Variants in CLDN10 observed in about 807,000 individuals in gnomAD.
The protein encoded by CLDN10 is claudin 10, also known as claudin-10.
In CLDN10, 15 loss-of-function variants were observed where a neutral mutation model predicts 22.9. That is an observed-to-expected ratio of 0.65 (90% CI 0.44 to 1.01). The LOEUF (loss-of-function observed/expected upper bound fraction) is 1.01, where lower values mean the gene tolerates loss of function less well. Among genes scored for constraint, CLDN10 ranks in the 50% least tolerant of loss-of-function variants. The pLI is 0.00. For missense variants in CLDN10, 247 were observed against 287.8 expected (o/e 0.86, Z 1.03); for synonymous variants, 114 against 111.4 (o/e 1.02, Z -0.15).
intron 1 of CLDN10, among the ~76,000 whole-genome samples, chr13:95,447,755 G>A (rs1351938401): frequency 6.6e-6 from 1 of 151,968 alleles, no homozygotes; most frequent in African/African-American, 2.4e-5. Flanking sequence ...GTGTGTGTGT[G>A]TGTGTGTGTG....
chr13:95,569,869 C>T (rs1004353867), intron 3 of CLDN10, among the ~76,000 whole-genome samples: 19 of 151,888 alleles, frequency 1.3e-4, no homozygotes, highest in Non-Finnish European at 1.9e-4. Context: ...CCTGGGTTCA[C>T]GCCATTCTCC....
rs940026631 is a variant in CLDN10, at chr13:95,466,800, T to A, written c.214+32753T>A. On this transcript the variant is annotated intron_variant, in intron 1 of 4. Transcript: ENST00000376873. ...AAAAGTAGAGAAAATAGTATAATAA[T>A]CCCCCATATTCTGATCTTGTATTCT... Among the ~76,000 whole-genome samples, 3 of 151,264 alleles carry A rather than the reference T, an allele frequency of 2.0e-5. No individual in the cohort carries two copies. In the Admixed American group the frequency reaches 2.0e-4, roughly 10 times the overall value.
At chr13:95,500,997 A>AT (rs1332431462) in intron 1 of CLDN10, among the ~76,000 whole-genome samples, 2 of 151,850 alleles carry the variant, frequency 1.3e-5, no homozygotes, top group Non-Finnish European at 2.9e-5. Flanking sequence ...TTTTAAAAAA[A>AT]TTTTTTTTAA....
chr13:95,440,320 A>T (rs534700672), intron 1 of CLDN10, among the ~76,000 whole-genome samples: 1 of 152,368 alleles, frequency 6.6e-6, no homozygotes, highest in South Asian at 2.1e-4. Flanking sequence ...AATAAACTTA[A>T]GGTTAAATTT....
At chr13:95,555,254 G>A (rs190118465) in intron 1 of CLDN10, among the ~76,000 whole-genome samples, 1 of 152,232 alleles carries the variant, frequency 6.6e-6, no homozygotes, top group East Asian at 1.9e-4. Context: ...GTTTCACCAT[G>A]TTAGGCTGAT....
At chr13:95,550,769 G>T (rs1016764965), upstream of CLDN10, among the ~76,000 whole-genome samples, 1 of 150,026 alleles carries the variant, frequency 6.7e-6, no homozygotes, top group African/African-American at 2.5e-5. Context: ...TTGCTCAAAG[G>T]TGACTGATTT....
At chr13:95,510,941 G>C (rs932219221) in intron 1 of CLDN10, among the ~76,000 whole-genome samples, 2 of 151,940 alleles carry the variant, frequency 1.3e-5, no homozygotes, top group African/African-American at 2.4e-5. Flanking sequence ...ATAAAACAAA[G>C]GTACTAAGAA....
intron 3 of CLDN10, among the ~76,000 whole-genome samples, chr13:95,575,339 T>A (rs2043909850): frequency 6.6e-6 from 1 of 152,258 alleles, no homozygotes; most frequent in Non-Finnish European, 1.5e-5. Context: ...ACAGATCTGA[T>A]GCCATCTTCT....
At chr13:95,517,984 C>T (rs4375536) in intron 1 of CLDN10, among the ~76,000 whole-genome samples, 129,181 of 149,316 alleles carry the variant, frequency 0.87, 56,019 homozygotes, top group East Asian at 0.96. Flanking sequence ...TGATAATCAA[C>T]GAACAGTCCA....
intron 1 of CLDN10, among the ~76,000 whole-genome samples, chr13:95,535,737 C>T (rs996855967): frequency 2.0e-5 from 3 of 151,948 alleles, no homozygotes; most frequent in African/African-American, 7.3e-5. Context: ...CAGGGAAAGA[C>T]TGTGATGTGA....
chr13:95,542,387 T>C (rs771854628), intron 1 of CLDN10, among the ~76,000 whole-genome samples: 79 of 152,332 alleles, frequency 5.2e-4, no homozygotes, highest in Non-Finnish European at 8.7e-4. Context: ...AATTATTTGA[T>C]GTAGAGTATG....
intron 1 of CLDN10, among the ~76,000 whole-genome samples, chr13:95,545,120 T>C (rs1315136081): frequency 1.3e-5 from 2 of 152,160 alleles, no homozygotes; most frequent in Non-Finnish European, 2.9e-5. Context: ...AATTCAGATT[T>C]TTCTTCAGCA....
exon 1 of CLDN10, chr13:95,433,844 C>T (rs759786238): frequency 2.5e-6 from 4 of 1,613,896 alleles, no homozygotes; most frequent in Non-Finnish European, 2.5e-6. Flanking sequence ...ATGTCCAGGG[C>T]GCAGATCTGG....
intron 1 of CLDN10, among the ~76,000 whole-genome samples, chr13:95,553,321 G>A (rs2043591278): frequency 6.6e-6 from 1 of 152,164 alleles, no homozygotes; most frequent in Admixed American, 6.5e-5. Flanking sequence ...GGGGACCGCT[G>A]GGACCCAGAG....
intron 1 of CLDN10, among the ~76,000 whole-genome samples, chr13:95,553,676 G>T (rs1040270765): frequency 2.6e-5 from 4 of 152,238 alleles, no homozygotes. Flanking sequence ...CCGTGAGAGC[G>T]TGGCGCCGGG....
intron 1 of CLDN10, among the ~76,000 whole-genome samples, chr13:95,512,446 C>T (rs1353614100): frequency 6.6e-6 from 1 of 151,880 alleles, no homozygotes; most frequent in Non-Finnish European, 1.5e-5. Flanking sequence ...TATCTGTTTT[C>T]GATGTAAATG....
chr13:95,473,440 C>T (rs564007377), intron 1 of CLDN10, among the ~76,000 whole-genome samples: 29 of 152,314 alleles, frequency 1.9e-4, no homozygotes, highest in African/African-American at 6.5e-4. Context: ...AGATGCGCCT[C>T]GGGTGCCTCA....
At position 95,579,712 on chromosome 13, in the gene CLDN10, G is replaced by A. The variant is rs1309611705; in HGVS notation, c.*1698G>A. 1.8e-4 allele frequency: 27 copies of A among 152,074 alleles called. No individual in the cohort carries two copies. Among genetic ancestry groups the A allele is most frequent in the Admixed American group, 1.8e-3 (27 of 15,260 alleles). 9.4% of individuals were successfully genotyped at this position (152,074 alleles called of 1,614,324 possible). On this transcript the variant is annotated 3_prime_UTR_variant, in exon 5 of 5. Coordinates refer to ENST00000299339, the MANE Select transcript of CLDN10 (RefSeq NM_006984.5). ...GTGCTCAATGGAAAGAAAAGGAAAT[G>A]AACAAGTTTGTTAAAAGATAAAAAA...
At chr13:95,520,880 T>G (rs1372874783) in intron 1 of CLDN10, among the ~76,000 whole-genome samples, 2 of 151,162 alleles carry the variant, frequency 1.3e-5, no homozygotes, top group African/African-American at 4.9e-5. Flanking sequence ...GTTAGGAGGC[T>G]GAGGCAGGAG....
Sources: gnomAD v4.1 joint callset for allele counts (sites outside exome capture counted in the v4.1 genomes callset) on GRCh38, gnomAD v4.1.1 for gene constraint, MANE v1.5 for transcripts, NCBI Gene and HGNC (gene_info 2026-07-23, HGNC 2026-07-21) for gene names.